The following KALRN variants were observed in gnomAD, a reference collection of about 807,000 sequenced individuals.
KALRN encodes kalirin RhoGEF kinase.
In KALRN, 70 loss-of-function variants were observed where a neutral mutation model predicts 353.7. The observed-to-expected ratio is 0.20, with a 90% CI of 0.16 to 0.24. The LOEUF (loss-of-function observed/expected upper bound fraction) is 0.24, where lower values mean the gene tolerates loss of function less well. Ranked by LOEUF, KALRN falls within the 10% of genes least tolerant of loss-of-function variation. The pLI is 1.00. For synonymous variants in KALRN, 1,391 were observed against 1,434.8 expected, an observed-to-expected ratio of 0.97 and a Z score of 0.69; for missense variants, 2,791 against 3,756.7, an observed-to-expected ratio of 0.74 and a Z score of 6.72.
chr3:124,071,927 C>G (rs1166567252), intron 1 of KALRN, among the ~76,000 whole-genome samples: 1 of 152,214 alleles, frequency 6.6e-6, no homozygotes, highest in Non-Finnish European at 1.5e-5. Flanking sequence ...AGTGTCTTCT[C>G]TGTTAGAATT....
chr3:124,613,424 A>T (rs991029928), intron 34 of KALRN, among the ~76,000 whole-genome samples: 1 of 152,168 alleles, frequency 6.6e-6, no homozygotes, highest in African/African-American at 2.4e-5. Flanking sequence ...GAAAGTTGAA[A>T]TACTGCTAGT....
At chr3:124,438,739 A>T in intron 17 of KALRN, 149 bp from the exon 18 acceptor site, 1 of 594,050 alleles carries the variant, frequency 1.7e-6, no homozygotes, top group Non-Finnish European at 2.8e-6. Context: ...CAGGACTGTC[A>T]CTGCCTCCTG....
intron 21 of KALRN, among the ~76,000 whole-genome samples, chr3:124,448,339 T>C (rs877712): frequency 0.037 from 5,615 of 152,254 alleles, 208 homozygotes; most frequent in East Asian, 0.084. Context: ...ATCTTTAAAA[T>C]GCTACTTTGG....
chr3:124,491,883 G>A (rs1409395022), intron 31 of KALRN, among the ~76,000 whole-genome samples: 1 of 152,110 alleles, frequency 6.6e-6, no homozygotes, highest in African/African-American at 2.4e-5. Flanking sequence ...TATTCCCTGG[G>A]AACCTACATT....
intron 24 of KALRN, among the ~76,000 whole-genome samples, chr3:124,462,195 T>G (rs2059920210): frequency 6.6e-6 from 1 of 152,194 alleles, no homozygotes; most frequent in Non-Finnish European, 1.5e-5. Context: ...ACAAGAAGTG[T>G]GTAAGGCACT....
At chr3:124,243,012 G>C (rs2080682408) in intron 3 of KALRN, among the ~76,000 whole-genome samples, 1 of 152,224 alleles carries the variant, frequency 6.6e-6, no homozygotes, top group Admixed American at 6.5e-5. Flanking sequence ...GGGACCCCGA[G>C]CTTAATGCCT....
At chr3:124,571,812 G>T (rs553902909) in intron 34 of KALRN, among the ~76,000 whole-genome samples, 4 of 151,610 alleles carry the variant, frequency 2.6e-5, no homozygotes, top group Admixed American at 2.6e-4. Context: ...TTTTTTTGTA[G>T]AGATGAGGTT....
At chr3:124,137,059 GA>G (rs1234364374) in intron 1 of KALRN, among the ~76,000 whole-genome samples, 1 of 137,090 alleles carries the variant, frequency 7.3e-6, no homozygotes, top group Non-Finnish European at 1.6e-5. Context: ...GTGTTTGGGA[GA>G]GGAGGAAGAG....
At chr3:124,433,897 A>C (rs1049830411) in intron 16 of KALRN, among the ~76,000 whole-genome samples, 4 of 152,160 alleles carry the variant, frequency 2.6e-5, no homozygotes, top group African/African-American at 9.7e-5. Flanking sequence ...TCTATACTTG[A>C]TCTGTAAAAT....
At chr3:124,385,070 C>G (rs749881187) in intron 11 of KALRN, 34 bp downstream of exon 11, 1 of 1,538,686 alleles carries the variant, frequency 6.5e-7, no homozygotes, top group Non-Finnish European at 8.8e-7. Context: ...GGCATTCTGT[C>G]CTGCCAGGGT....
intron 33 of KALRN, chr3:124,505,023 G>A (rs1381208903): frequency 4.2e-6 from 2 of 472,590 alleles, no homozygotes; most frequent in Non-Finnish European, 4.4e-6. Flanking sequence ...GGAGGGGAGG[G>A]GAGAGCAAAG....
chr3:124,463,147 G>A lies in KALRN; in HGVS notation c.4031+514G>A, dbSNP rs565281033. ...ATTGTAGAGCCCTAAAACTTCACAAGTCATTGTTTCCAACTTGATTTAAGA... is the reference window on the plus strand; with the variant it reads ...ATTGTAGAGCCCTAAAACTTCACAAATCATTGTTTCCAACTTGATTTAAGA... On this transcript the variant is annotated intron_variant, in intron 25 of 59. Transcript: ENST00000682506. Among the ~76,000 whole-genome samples, 240 of 152,292 alleles carry A rather than the reference G, an allele frequency of 1.6e-3. 1 individual carries two copies. The highest frequency in any genetic ancestry group is 5.3e-3 in the African/African-American group (219 of 41,564).
At chr3:124,228,820 C>T (rs1014013668) in intron 2 of KALRN, among the ~76,000 whole-genome samples, 1 of 151,784 alleles carries the variant, frequency 6.6e-6, no homozygotes, top group Non-Finnish European at 1.5e-5. Context: ...GTCAGCAGGG[C>T]TGTGCTTCCA....
At chr3:124,566,345 A>T (rs1051325439) in intron 34 of KALRN, among the ~76,000 whole-genome samples, 4 of 152,094 alleles carry the variant, frequency 2.6e-5, no homozygotes, top group African/African-American at 4.8e-5. Context: ...TACAAAAAAA[A>T]TTTAAAAATT....
At chr3:124,699,717 A>C in intron 55 of KALRN, 152 bp from the exon 56 acceptor site, 2 of 680,680 alleles carry the variant, frequency 2.9e-6, no homozygotes, top group Non-Finnish European at 2.5e-6. Flanking sequence ...AAACTACCAT[A>C]GTTAGCCTAC....
At chr3:124,089,612 C>A (rs1420379782) in intron 1 of KALRN, among the ~76,000 whole-genome samples, 1 of 151,194 alleles carries the variant, frequency 6.6e-6, no homozygotes, top group Non-Finnish European at 1.5e-5. Flanking sequence ...TGGATCAGTT[C>A]TGAGAGGGTC....
At chr3:124,569,473 A>G (rs764855342) in intron 34 of KALRN, among the ~76,000 whole-genome samples, 3 of 152,296 alleles carry the variant, frequency 2.0e-5, no homozygotes, top group East Asian at 1.9e-4. Context: ...GAGCTTTACC[A>G]TGGGTCAGGT....
At chr3:124,336,203 G>A (rs2081118937) in intron 9 of KALRN, among the ~76,000 whole-genome samples, 1 of 152,180 alleles carries the variant, frequency 6.6e-6, no homozygotes, top group Non-Finnish European at 1.5e-5. Context: ...CAACACCTCA[G>A]TCCCAGGAGA....
intron 2 of KALRN, among the ~76,000 whole-genome samples, chr3:124,233,384 A>G (rs2079396753): frequency 6.6e-6 from 1 of 152,208 alleles, no homozygotes; most frequent in Non-Finnish European, 1.5e-5. Flanking sequence ...TCCAAGGCAG[A>G]TGAGACAAGG....
Sources: allele counts gnomAD v4.1 joint callset (sites outside exome capture counted in the v4.1 genomes callset), GRCh38; gene constraint gnomAD v4.1.1; transcripts MANE v1.5; gene names NCBI Gene and HGNC (gene_info 2026-07-23, HGNC 2026-07-21).